TCF4: variants seen among roughly 807,000 people sequenced by gnomAD.
TCF4 encodes the protein SL3-3 enhancer factor 2.
Under a neutral mutation model 82.1 loss-of-function variants are expected in TCF4, and 3 were observed. The observed-to-expected ratio is 0.04, with a 90% CI of 0.02 to 0.09. TCF4 has a LOEUF of 0.09. Ranked by LOEUF, TCF4 falls within the 10% of genes least tolerant of loss-of-function variation. TCF4 has a pLI of 1.00. For synonymous variants in TCF4, 276 were observed against 309.6 expected (o/e 0.89, Z 1.14); for missense variants, 518 against 852.7 (o/e 0.61, Z 4.89).
chr18:55,370,021 G>A (rs1430325909), intron 6 of TCF4, among the ~76,000 whole-genome samples: 3 of 152,314 alleles, frequency 2.0e-5, no homozygotes, highest in South Asian at 2.1e-4. Context: ...CCATCCCATC[G>A]TGGAGGGCAG....
At chr18:55,399,048 G>A (rs547813996) in intron 6 of TCF4, among the ~76,000 whole-genome samples, 138 of 152,190 alleles carry the variant, frequency 9.1e-4, no homozygotes, top group Non-Finnish European at 3.4e-4. Context: ...GGCCTAATTG[G>A]CCTCAATTGC....
At chr18:55,501,694 T>A (rs1389557779) in intron 3 of TCF4, among the ~76,000 whole-genome samples, 1 of 150,956 alleles carries the variant, frequency 6.6e-6, no homozygotes, top group Non-Finnish European at 1.5e-5. Flanking sequence ...AAAGGAAGCA[T>A]CATCTTTGGG....
intron 3 of TCF4, among the ~76,000 whole-genome samples, chr18:55,569,583 T>C (rs568267880): frequency 8.3e-4 from 126 of 151,774 alleles, no homozygotes; most frequent in African/African-American, 2.9e-3. Context: ...AAAAAGACTT[T>C]CTATATACAA....
intron 3 of TCF4, among the ~76,000 whole-genome samples, chr18:55,571,037 G>T (rs898569949): frequency 1.3e-5 from 2 of 152,054 alleles, no homozygotes; most frequent in Admixed American, 1.3e-4. Flanking sequence ...CTGCCATGCT[G>T]GACTTTCATG....
In TCF4 at chr18:55,223,041, C is replaced by G. The variant is rs1252726985; in HGVS notation, c.*4994G>C. The G allele has an allele frequency of 1.3e-5, 2 of 152,202 alleles. No individual in the cohort carries two copies. Among genetic ancestry groups the G allele is most frequent in the Non-Finnish European group, 2.9e-5 (2 of 68,028 alleles). The allele number at this position is 152,202 out of a possible 1,614,324, so 9.4% of individuals were successfully genotyped here. On this transcript the variant is annotated 3_prime_UTR_variant, in exon 20 of 20. Coordinates refer to ENST00000354452, the MANE Select transcript of TCF4 (RefSeq NM_001083962.2). The stretch of plus-strand genomic sequence containing the variant: ...ATCTTAGATTTTTGACTGAAAAGAT[C>G]TGAGAATGTTCTGCCAAACAGCCGA...
At chr18:55,315,780 ATCACT>A (rs751758344) in intron 8 of TCF4, among the ~76,000 whole-genome samples, 7 of 152,152 alleles carry the variant, frequency 4.6e-5, no homozygotes, top group Non-Finnish European at 8.8e-5. Flanking sequence ...CTTTCAGTAG[ATCACT>A]TCACACTAAA....
intron 3 of TCF4, among the ~76,000 whole-genome samples, chr18:55,554,821 G>A (rs2097290582): frequency 2.0e-5 from 3 of 152,150 alleles, no homozygotes. Context: ...AAACCAAAGT[G>A]AATTCTGTAA....
intron 3 of TCF4, among the ~76,000 whole-genome samples, chr18:55,530,464 CAG>C (rs2097047712): frequency 7.0e-6 from 1 of 142,196 alleles, no homozygotes; most frequent in Admixed American, 7.9e-5. Flanking sequence ...ATAGAAGAAA[CAG>C]AGAGAGTGAA....
chr18:55,286,449 A>G (rs2063713977), intron 8 of TCF4, among the ~76,000 whole-genome samples: 1 of 152,150 alleles, frequency 6.6e-6, no homozygotes, highest in Non-Finnish European at 1.5e-5. Flanking sequence ...AGGTGAAAGG[A>G]CTTACGCCAG....
chr18:55,629,219 CAAG>C (rs977182498), intron 2 of TCF4, among the ~76,000 whole-genome samples: 4 of 152,092 alleles, frequency 2.6e-5, no homozygotes, highest in Non-Finnish European at 5.9e-5. Context: ...GGTATGCTGA[CAAG>C]AAGTCCTAAG....
chr18:55,223,550 GGTTT>G lies in TCF4; in HGVS notation c.*4481_*4484del, dbSNP rs1164975551. 2.0e-5 allele frequency: 3 copies of G among 152,526 alleles called. No individual in the cohort carries two copies. The highest frequency in any genetic ancestry group is 3.9e-4 in the East Asian group (2 of 5,178). 9.4% of individuals were successfully genotyped at this position (152,526 alleles called of 1,614,324 possible). On this transcript the variant is annotated 3_prime_UTR_variant, in exon 20 of 20. Transcript: ENST00000354452. ...ACAGGTAATGGCCTTGACCAAGCTG[GGTTT>G]GTTTTTGTCTTGAAGGAACTCCAGC...
At chr18:55,386,976 C>G (rs1234646991) in intron 6 of TCF4, among the ~76,000 whole-genome samples, 1 of 152,176 alleles carries the variant, frequency 6.6e-6, no homozygotes. Context: ...TACACACAGG[C>G]ACCATTTTTA....
chr18:55,430,587 C>T (rs1478184014), intron 5 of TCF4, among the ~76,000 whole-genome samples: 1 of 152,112 alleles, frequency 6.6e-6, no homozygotes, highest in African/African-American at 2.4e-5. Flanking sequence ...ACTGGGACTC[C>T]AAATTCCCAG....
At chr18:55,278,437 A>C (rs1414584923) in intron 9 of TCF4, among the ~76,000 whole-genome samples, 1 of 152,246 alleles carries the variant, frequency 6.6e-6, no homozygotes, top group Non-Finnish European at 1.5e-5. Flanking sequence ...ACATTAGAAA[A>C]TAAGTGCCAC....
intron 6 of TCF4, among the ~76,000 whole-genome samples, chr18:55,381,210 T>C (rs919075731): frequency 1.9e-4 from 29 of 152,224 alleles, no homozygotes; most frequent in Non-Finnish European, 3.7e-4. Flanking sequence ...AGTGAATATG[T>C]ATTAAATTTA....
chr18:55,324,569 G>A (rs1376451408), intron 8 of TCF4, among the ~76,000 whole-genome samples: 1 of 152,128 alleles, frequency 6.6e-6, no homozygotes. Flanking sequence ...AATTTTTACA[G>A]GACCCTGAAC....
chr18:55,359,405 G>A (rs1160004721), intron 6 of TCF4, among the ~76,000 whole-genome samples: 1 of 152,100 alleles, frequency 6.6e-6, no homozygotes, highest in Non-Finnish European at 1.5e-5. Flanking sequence ...AGCCTTGTAT[G>A]GAAAGTAACT....
intron 6 of TCF4, among the ~76,000 whole-genome samples, chr18:55,359,992 C>T (rs1262769262): frequency 6.6e-6 from 1 of 152,166 alleles, no homozygotes; most frequent in Non-Finnish European, 1.5e-5. Flanking sequence ...ACCCAAAGGG[C>T]CCGGTTCTAA....
At chr18:55,555,526 T>C (rs950130268) in intron 3 of TCF4, among the ~76,000 whole-genome samples, 2 of 152,256 alleles carry the variant, frequency 1.3e-5, no homozygotes, top group African/African-American at 4.8e-5. Context: ...CTGATAGTAC[T>C]GCTGGTACAG....
Sources: allele counts gnomAD v4.1 joint callset (sites outside exome capture counted in the v4.1 genomes callset), GRCh38; gene constraint gnomAD v4.1.1; transcripts MANE v1.5; gene names NCBI Gene and HGNC (gene_info 2026-07-23, HGNC 2026-07-21).